Variants in ALMS1 observed in about 807,000 individuals in gnomAD.
ALMS1 encodes the protein centrosome-associated protein ALMS1.
In ALMS1, 271 loss-of-function variants were observed where a neutral mutation model predicts 352.2. The ratio of observed to expected loss-of-function variants is 0.77; its 90% CI spans 0.70 to 0.85. ALMS1 has a LOEUF of 0.85. ALMS1 is among the 40% of genes least tolerant of loss of function. The pLI is 0.00. For missense variants in ALMS1, 5,445 were observed against 4,870.7 expected (o/e 1.12, Z -3.51); for synonymous variants, 1,865 against 1,761.2 (o/e 1.06, Z -1.48).
intron 1 of ALMS1, among the ~76,000 whole-genome samples, chr2:73,397,049 G>A (rs1003438643): frequency 2.0e-5 from 3 of 152,230 alleles, no homozygotes; most frequent in Non-Finnish European, 4.4e-5. Context: ...CCTAACTGGG[G>A]GGTAGGTATT....
At chr2:73,403,192 T>C (rs1288691596) in intron 1 of ALMS1, among the ~76,000 whole-genome samples, 1 of 152,218 alleles carries the variant, frequency 6.6e-6, no homozygotes, top group Non-Finnish European at 1.5e-5. Flanking sequence ...TAATCAACTT[T>C]GAGTTGATTT....
chr2:73,530,287 A>G (rs532505412), intron 11 of ALMS1, among the ~76,000 whole-genome samples: 1 of 152,320 alleles, frequency 6.6e-6, no homozygotes, highest in African/African-American at 2.4e-5. Context: ...GCATTGGATA[A>G]ATGTTCCCAT....
chr2:73,533,550 C>T (rs1275948724), intron 11 of ALMS1, among the ~76,000 whole-genome samples: 1 of 152,100 alleles, frequency 6.6e-6, no homozygotes, highest in Non-Finnish European at 1.5e-5. Flanking sequence ...TTCACACATT[C>T]TTGCACTCTT....
chr2:73,426,281 A>G (rs1671375479), intron 5 of ALMS1, among the ~76,000 whole-genome samples, 172 bp from the exon 6 acceptor site: 1 of 152,216 alleles, frequency 6.6e-6, no homozygotes, highest in African/African-American at 2.4e-5. Flanking sequence ...GTGGCATGTG[A>G]TGCAAAGTCA....
At chr2:73,397,687 C>A (rs760389886) in intron 1 of ALMS1, among the ~76,000 whole-genome samples, 2 of 152,170 alleles carry the variant, frequency 1.3e-5, no homozygotes, top group Non-Finnish European at 2.9e-5. Context: ...AGGCTGGTCT[C>A]GATCTCCTGA....
chr2:73,464,017 C>A (rs9678093), intron 9 of ALMS1, among the ~76,000 whole-genome samples: 75,320 of 151,966 alleles, frequency 0.5, 21,458 homozygotes, highest in East Asian at 0.77. Context: ...ACCAGAGGTA[C>A]AAAGAGGAGC....
At chr2:73,427,051 T>C (rs1241970240) in intron 6 of ALMS1, among the ~76,000 whole-genome samples, 1 of 152,144 alleles carries the variant, frequency 6.6e-6, no homozygotes, top group Non-Finnish European at 1.5e-5. Context: ...AGGCATCCCA[T>C]GGGGCTCCAG....
chr2:73,429,392 C>T (rs1033112614), intron 6 of ALMS1, among the ~76,000 whole-genome samples: 2 of 150,870 alleles, frequency 1.3e-5, no homozygotes, highest in African/African-American at 4.9e-5. Flanking sequence ...AGCAGTTGTC[C>T]TGCTGCAGCG....
intron 16 of ALMS1, among the ~76,000 whole-genome samples, chr2:73,590,237 C>T (rs149367664): frequency 1.8e-3 from 267 of 152,142 alleles, no homozygotes; most frequent in Admixed American, 3.3e-3. Flanking sequence ...AAGCTTTTCT[C>T]AGATTTATAT....
At chr2:73,412,546 T>C (rs1459810123) in intron 2 of ALMS1, among the ~76,000 whole-genome samples, 4 of 152,124 alleles carry the variant, frequency 2.6e-5, no homozygotes, top group Non-Finnish European at 4.4e-5. Context: ...TCCCAGCACT[T>C]TGGGAGGCCG....
intron 1 of ALMS1, among the ~76,000 whole-genome samples, chr2:73,400,955 T>G (rs571203739): frequency 6.6e-6 from 1 of 152,196 alleles, no homozygotes; most frequent in African/African-American, 2.4e-5. Context: ...CCCGGCTAAT[T>G]TTTGCATTTT....
intron 1 of ALMS1, among the ~76,000 whole-genome samples, chr2:73,395,399 C>T (rs1670740499): frequency 1.3e-5 from 2 of 151,906 alleles, no homozygotes; most frequent in Non-Finnish European, 2.9e-5. Flanking sequence ...TCTTATAGGA[C>T]CACCATTATG....
chr2:73,527,739 A>G (rs1038967323), intron 11 of ALMS1, among the ~76,000 whole-genome samples: 3 of 151,806 alleles, frequency 2.0e-5, no homozygotes, highest in Admixed American at 6.6e-5. Flanking sequence ...TGTTTTTCTC[A>G]TATCAATTTT....
chr2:73,434,770 T>C (rs1187272858), intron 7 of ALMS1, among the ~76,000 whole-genome samples: 1 of 152,236 alleles, frequency 6.6e-6, no homozygotes, highest in Non-Finnish European at 1.5e-5. Context: ...TGATGTTAGA[T>C]CCATATATGT....
At position 73,572,772 on chromosome 2, in the gene ALMS1, T is replaced by G. The variant is rs1674966131; in HGVS notation, c.10895T>G (p.Leu3632Trp). 1 of 1,613,996 alleles carries G rather than the reference T, an allele frequency of 6.2e-7. No homozygotes were observed. Among genetic ancestry groups the G allele is most frequent in the Non-Finnish European group, 8.5e-7 (1 of 1,179,998 alleles). ...ELSLVDRLDR[L>W]AKILQNPITH... ...TCCTTGGTGGACCGACTTGATCGTT[T>G]GGCTAAAATTCTTCAGAATCCAATC... Residue 3632 changes from leucine (L) to tryptophan (W), a missense_variant, in exon 16 of 23, where the codon TTG becomes TGG. By Grantham distance (61) the Leu-to-Trp change is moderately conservative (BLOSUM62 -2). Coordinates refer to ENST00000613296, the MANE Select transcript of ALMS1 (RefSeq NM_001378454.1).
At chr2:73,577,391 T>G (rs1305912244) in intron 16 of ALMS1, among the ~76,000 whole-genome samples, 1 of 152,148 alleles carries the variant, frequency 6.6e-6, no homozygotes, top group Non-Finnish European at 1.5e-5. Flanking sequence ...TCTAGAAATT[T>G]GTTTATCTTT....
rs1335438080 is a variant in ALMS1 at position 73,572,449 on chromosome 2, A to G, written c.10572A>G (p.Glu3524=). The G allele has an allele frequency of 1.9e-6, 3 of 1,614,016 alleles. No homozygotes were observed. Among genetic ancestry groups the G allele is most frequent in the African/African-American group, 1.3e-5 (1 of 75,054 alleles). ...FFQHHPDKHR[E]HMCLPLPYQN... is the part of the protein sequence containing the mutation. ...AGCATCATCCAGACAAACATAGAGA[A>G]CACATGTGTCTTCCTCTTCCTTATC... The change falls in exon 16 of 23, where the codon GAA becomes GAG. Residue 3524 remains glutamate (E), a synonymous_variant. Coordinates refer to ENST00000613296, the MANE Select transcript of ALMS1 (RefSeq NM_001378454.1).
rs544379073 is a variant in ALMS1 at position 73,410,819 on chromosome 2, A to G, written c.450+2072A>G. On this transcript the variant is annotated intron_variant, in intron 2 of 22. Coordinates refer to ENST00000613296, the MANE Select transcript of ALMS1 (RefSeq NM_001378454.1). ...AGGAAAAATGTTATTAGTGTTACTAATAATGGTTAAATATTTAAGGTTGAT... is the reference window on the plus strand; with the variant it reads ...AGGAAAAATGTTATTAGTGTTACTAGTAATGGTTAAATATTTAAGGTTGAT... Among the ~76,000 whole-genome samples, 10 of 142,052 alleles carry G rather than the reference A, an allele frequency of 7.0e-5. No homozygotes were observed. The South Asian group carries it at 1.5e-3, about 21-fold the overall frequency. The allele number at this position is 142,052 out of a possible 152,430, so 93.2% of individuals were successfully genotyped here.
intron 11 of ALMS1, among the ~76,000 whole-genome samples, chr2:73,528,316 C>T (rs1003857862): frequency 1.3e-5 from 2 of 152,068 alleles, no homozygotes; most frequent in Non-Finnish European, 2.9e-5. Flanking sequence ...ATACTGAAAG[C>T]GGGGTGTTGA....
Sources: allele counts gnomAD v4.1 joint callset (sites outside exome capture counted in the v4.1 genomes callset), GRCh38; gene constraint gnomAD v4.1.1; transcripts MANE v1.5; gene names NCBI Gene and HGNC (gene_info 2026-07-23, HGNC 2026-07-21).